The following RPS6KB1 variants were observed in gnomAD, a reference collection of about 807,000 sequenced individuals.
The protein encoded by RPS6KB1 is ribosomal protein S6 kinase beta-1.
In RPS6KB1, 12 loss-of-function variants were observed where a neutral mutation model predicts 70.2. That is an observed-to-expected ratio of 0.17 (90% CI 0.11 to 0.28). The LOEUF (loss-of-function observed/expected upper bound fraction) is 0.28. Ranked by LOEUF, RPS6KB1 falls within the 10% of genes least tolerant of loss-of-function variation. The pLI is 1.00. For synonymous variants in RPS6KB1, 175 were observed against 211.2 expected (o/e 0.83, Z 1.49); for missense variants, 270 against 646.6 (o/e 0.42, Z 6.32).
intron 2 of RPS6KB1, 97 bp from the exon 3 acceptor site, chr17:59,912,587 A>C: frequency 2.4e-6 from 3 of 1,274,146 alleles, no homozygotes; most frequent in Non-Finnish European, 3.3e-6. Flanking sequence ...ACTTTTACTT[A>C]CTTAGATTAC....
At chr17:59,940,518 C>T (rs1191845163) in intron 12 of RPS6KB1, among the ~76,000 whole-genome samples, 1 of 151,920 alleles carries the variant, frequency 6.6e-6, no homozygotes, top group Admixed American at 6.6e-5. Context: ...AAACTCCTGA[C>T]CTCATGATCC....
chr17:59,931,326 C>A, intron 6 of RPS6KB1: 2 of 302,864 alleles, frequency 6.6e-6, no homozygotes, highest in Non-Finnish European at 1.2e-5. Flanking sequence ...CCTACACAGA[C>A]AGAACAAAAC....
chr17:59,911,280 T>C lies in RPS6KB1; in HGVS notation c.191+669T>C, dbSNP rs556456557. ...TGTACTCTCAAGTAAAAAGCATTAG[T>C]GTAGGAGGAGAATGAGAAGATAGAT... On this transcript the variant is annotated intron_variant, in intron 2 of 14. Coordinates refer to ENST00000225577, the MANE Select transcript of RPS6KB1 (RefSeq NM_003161.4). Among the ~76,000 whole-genome samples, 6 of 152,294 alleles carry C rather than the reference T, an allele frequency of 3.9e-5. No homozygotes were observed. The South Asian group carries it at 1.0e-3, about 26-fold the overall frequency.
intron 1 of RPS6KB1, among the ~76,000 whole-genome samples, chr17:59,899,697 A>G (rs1364598114): frequency 6.6e-6 from 1 of 152,172 alleles, no homozygotes; most frequent in African/African-American, 2.4e-5. Flanking sequence ...ATCCAGTTAA[A>G]ATGGTGAGAA....
At chr17:59,918,389 G>A (rs1297885512) in intron 4 of RPS6KB1, among the ~76,000 whole-genome samples, 1 of 150,308 alleles carries the variant, frequency 6.7e-6, no homozygotes, top group East Asian at 1.9e-4. Flanking sequence ...ATTTTTTTGA[G>A]ACAAGAGTCT....
Position 59,931,763 on chromosome 17 carries a change from C to G in RPS6KB1, c.688+41C>G, listed in dbSNP as rs563838659. On this transcript the variant is annotated intron_variant, in intron 7 of 14. Transcript: ENST00000225577. ...AAACAATTCTATAGTAAATAATCAT[C>G]TTAAAATCCTCCCACATAGGTCGTG... The G allele has an allele frequency of 1.5e-5, 21 of 1,397,162 alleles. No homozygotes were observed. The African/African-American group carries it at 2.4e-4, about 16-fold the overall frequency. 86.5% of individuals were successfully genotyped at this position (1,397,162 alleles called of 1,614,324 possible). A position where few individuals can be genotyped will look rare whatever the true frequency, so the allele number is the denominator to read the frequency against.
intron 4 of RPS6KB1, among the ~76,000 whole-genome samples, chr17:59,917,266 G>A (rs1485666601): frequency 2.0e-5 from 3 of 150,706 alleles, no homozygotes; most frequent in Admixed American, 6.6e-5. Context: ...CCACAGACAC[G>A]CACCACCAGG....
At chr17:59,918,182 T>C (rs1309931547) in intron 4 of RPS6KB1, among the ~76,000 whole-genome samples, 1 of 152,194 alleles carries the variant, frequency 6.6e-6, no homozygotes, top group Non-Finnish European at 1.5e-5. Context: ...TCCGCCCGCC[T>C]TGGCCTCCTG....
At chr17:59,912,159 A>G (rs1302529808) in intron 2 of RPS6KB1, 1 of 157,714 alleles carries the variant, frequency 6.3e-6, no homozygotes, top group Non-Finnish European at 1.4e-5. Context: ...AAAATAAATA[A>G]TTGTCTTCTT....
At chr17:59,938,968 A>G (rs1293701815) in intron 12 of RPS6KB1, among the ~76,000 whole-genome samples, 2 of 152,108 alleles carry the variant, frequency 1.3e-5, no homozygotes, top group East Asian at 1.9e-4. Flanking sequence ...CTACTTTTAT[A>G]ATTTCATCAG....
intron 1 of RPS6KB1, chr17:59,907,426 A>G (rs1408876523): frequency 1.3e-5 from 2 of 152,194 alleles, no homozygotes; most frequent in East Asian, 3.8e-4. Context: ...CATCTTAACA[A>G]TGTTAAATCT....
chr17:59,903,032 T>C (rs1314564685), intron 1 of RPS6KB1, among the ~76,000 whole-genome samples: 3 of 151,814 alleles, frequency 2.0e-5, no homozygotes, highest in Non-Finnish European at 4.4e-5. Context: ...AATGAGCCGA[T>C]GCTGGGCATG....
At chr17:59,922,763 C>G (rs1406129396) in intron 4 of RPS6KB1, among the ~76,000 whole-genome samples, 2 of 151,692 alleles carry the variant, frequency 1.3e-5, no homozygotes, top group Admixed American at 1.3e-4. Context: ...CCAGGATGGT[C>G]TCGATCTCTT....
intron 4 of RPS6KB1, among the ~76,000 whole-genome samples, chr17:59,916,324 T>G (rs987992828): frequency 5.3e-5 from 8 of 152,078 alleles, no homozygotes; most frequent in Admixed American, 5.2e-4. Context: ...GGTGTCGAAC[T>G]CCTGACCTCG....
At position 59,946,764 on chromosome 17, in the gene RPS6KB1, A is replaced by G; in HGVS notation, c.1554A>G (p.Pro518=). ...KQAFPMISKR[P]EHLRMNL ...CTTTTCCCATGATCTCCAAACGGCCAGAGCACCTGCGTATGAATCTATGAC... is the reference window on the plus strand; with the variant it reads ...CTTTTCCCATGATCTCCAAACGGCCGGAGCACCTGCGTATGAATCTATGAC... Residue 518 remains proline, a synonymous_variant, in exon 15 of 15, where the codon CCA becomes CCG. Coordinates refer to ENST00000225577, the MANE Select transcript of RPS6KB1 (RefSeq NM_003161.4). The surrounding 1 kb of genome is among the most constrained non-coding windows in gnomAD (Gnocchi z 4.2). The G allele has an allele frequency of 6.2e-7, 1 of 1,614,186 alleles. No individual in the cohort carries two copies. Among genetic ancestry groups the G allele is most frequent in the South Asian group, 1.1e-5 (1 of 91,086 alleles).
In RPS6KB1 at chr17:59,934,303, A is replaced by G; in HGVS notation, c.779+43A>G. On this transcript the variant is annotated intron_variant, in intron 8 of 14. Transcript: ENST00000225577. The surrounding 1 kb of genome is among the most constrained non-coding windows in gnomAD (Gnocchi z 4.8). ...CATAATTGGTTTGGGGGTAATAGCT[A>G]ATTTTACCTGTTTTAAGGAATAGTA... The G allele has an allele frequency of 6.8e-7, 1 of 1,480,166 alleles. No individual in the cohort carries two copies. The highest frequency in any genetic ancestry group is 2.3e-5 in the East Asian group (1 of 44,194). The allele number at this position is 1,480,166 out of a possible 1,614,324, so 91.7% of individuals were successfully genotyped here.
In RPS6KB1 at chr17:59,893,696, C is replaced by A; in HGVS notation, c.141+371C>A. 2 of 841,416 alleles carry A rather than the reference C, an allele frequency of 2.4e-6. No homozygotes were observed. The highest frequency in any genetic ancestry group is 2.9e-6 in the Non-Finnish European group (2 of 684,312). The allele number at this position is 841,416 out of a possible 1,614,324, so 52.1% of individuals were successfully genotyped here. ...TTGCTGGGTGTCCCGTAAGTGCAGG[C>A]GAAGTGTGGAGGGTTTCCCTTCGAG... is the stretch of plus-strand genomic sequence containing the variant. On this transcript the variant is annotated intron_variant, in intron 1 of 14. Coordinates refer to ENST00000225577, the MANE Select transcript of RPS6KB1 (RefSeq NM_003161.4). The surrounding 1 kb of genome is among the most constrained non-coding windows in gnomAD (Gnocchi z 4.1).
rs1033258409 is a variant in RPS6KB1, at chr17:59,946,759, C to T, written c.1549C>T (p.Arg517Trp). The change falls in exon 15 of 15, where the codon CGG becomes TGG. Residue 517 changes from arginine (R) to tryptophan (W), a missense_variant. By Grantham distance (101) the Arg-to-Trp change is moderately radical. Coordinates refer to ENST00000225577, the MANE Select transcript of RPS6KB1 (RefSeq NM_003161.4). The surrounding 1 kb of genome is among the most constrained non-coding windows in gnomAD (Gnocchi z 4.2). The part of the protein sequence containing the change: ...KKQAFPMISK[R>W]PEHLRMNL ...ACAAGCTTTTCCCATGATCTCCAAA[C>T]GGCCAGAGCACCTGCGTATGAATCT... The T allele has an allele frequency of 1.9e-6, 3 of 1,614,084 alleles. No homozygotes were observed. The highest frequency in any genetic ancestry group is 1.7e-6 in the Non-Finnish European group (2 of 1,180,002).
At chr17:59,914,843 C>A (rs2042846590) in intron 4 of RPS6KB1, 140 bp downstream of exon 4, 1 of 678,954 alleles carries the variant, frequency 1.5e-6, no homozygotes, top group Non-Finnish European at 2.5e-6. Flanking sequence ...AAAAATGTAT[C>A]TCAAGCCAGG....
Sources: gnomAD v4.1 joint callset for allele counts (sites outside exome capture counted in the v4.1 genomes callset) on GRCh38, gnomAD v4.1.1 for gene constraint, Gnocchi (gnomAD v3.1) non-coding constraint, MANE v1.5 for transcripts, NCBI Gene and HGNC (gene_info 2026-07-23, HGNC 2026-07-21) for gene names.